The following CDH18 variants were observed in gnomAD, a reference collection of about 807,000 sequenced individuals.
CDH18 encodes the protein cadherin-18.
Under a neutral mutation model 67.9 loss-of-function variants are expected in CDH18, and 31 were observed. The observed-to-expected ratio is 0.46, with a 90% CI of 0.34 to 0.62. The LOEUF is 0.62. Ranked by LOEUF, CDH18 falls within the 20% of genes least tolerant of loss-of-function variation. The pLI is 0.01. For synonymous variants in CDH18, 362 were observed against 347.2 expected, an observed-to-expected ratio of 1.04 and a Z score of -0.48; for missense variants, 890 against 975.5, an observed-to-expected ratio of 0.91 and a Z score of 1.17.
chr5:20,345,634 T>C (rs1461284941), intron 1 of CDH18, among the ~76,000 whole-genome samples: 1 of 152,072 alleles, frequency 6.6e-6, no homozygotes, highest in East Asian at 1.9e-4. Flanking sequence ...AGATAGGAAA[T>C]GGAAATTACC....
Position 20,288,360 on chromosome 5 carries a change from T to G in CDH18, c.-579-32855A>C, listed in dbSNP as rs1179459160. On this transcript the variant is annotated intron_variant, in intron 1 of 14. Transcript: ENST00000507958. ...CAAATTACTTAATAAAATACTAGCA[T>G]GTCCCTTTTAATTTCAGAGTAAGAA... Among the ~76,000 whole-genome samples, 5 of 151,810 alleles carry G rather than the reference T, an allele frequency of 3.3e-5. No individual in the cohort carries two copies. The East Asian group carries it at 9.7e-4, about 29-fold the overall frequency.
In CDH18 at chr5:20,347,475, G is replaced by A. The variant is rs574976167; in HGVS notation, c.-579-91970C>T. ...AGCTGGTTAGGCAGATCGAGAGGGA[G>A]GATCAGTGGAGAAGAACAGAGAGAG... On this transcript the variant is annotated intron_variant, in intron 1 of 14. Transcript: ENST00000507958. 2.0e-5 allele frequency among the ~76,000 whole-genome samples: 3 copies of A among 152,288 alleles called. No individual in the cohort carries two copies. In the East Asian group the frequency reaches 5.8e-4, roughly 29 times the overall value.
chr5:19,885,642 C>T (rs1271722677), intron 2 of CDH18, among the ~76,000 whole-genome samples: 1 of 152,084 alleles, frequency 6.6e-6, no homozygotes, highest in Non-Finnish European at 1.5e-5. Flanking sequence ...CTCACTGCAG[C>T]CTAGAGCTTC....
In CDH18 at chr5:19,571,585, A is replaced by G; in HGVS notation, c.1247T>C (p.Leu416Ser). ...CGATTGAAGCATGCCATACCTTACTAAGCTGTTAGTACTGTCAGGATCTTG... is the reference window on the plus strand; with the variant it reads ...CGATTGAAGCATGCCATACCTTACTGAGCTGTTAGTACTGTCAGGATCTTG... ...LAQDPDSTNS[L>S]VRYFINYNVE... The change falls in exon 8 of 13, where the codon TTA becomes TCA. Residue 416 changes from leucine to serine, a missense_variant. This residue lies in a region of CDH18 where 656 missense variants were observed against 668.1 expected (regional missense o/e 0.98). Coordinates refer to ENST00000382275, the MANE Select transcript of CDH18 (RefSeq NM_004934.5). 1 of 1,613,916 alleles carries G rather than the reference A, an allele frequency of 6.2e-7. No individual in the cohort carries two copies. The highest frequency in any genetic ancestry group is 8.5e-7 in the Non-Finnish European group (1 of 1,179,826).
chr5:19,680,597 G>C (rs1323683313), intron 5 of CDH18, among the ~76,000 whole-genome samples: 1 of 151,894 alleles, frequency 6.6e-6, no homozygotes, highest in Non-Finnish European at 1.5e-5. Flanking sequence ...ATTACAAAGA[G>C]GGCAAAGGAT....
intron 1 of CDH18, among the ~76,000 whole-genome samples, chr5:20,551,520 A>T (rs1757631191): frequency 6.6e-6 from 1 of 152,014 alleles, no homozygotes; most frequent in Non-Finnish European, 1.5e-5. Flanking sequence ...AGAGAAAGAG[A>T]CACTTTCCTG....
chr5:19,490,394 G>GTTTTTTTTTTTTTTTTTTTTTTTTTT lies in CDH18; in HGVS notation c.1631-6868_1631-6843dup, dbSNP rs70950073. Among the ~76,000 whole-genome samples the GTTTTTTTTTTTTTTTTTTTTTTTTTT allele has an allele frequency of 5.0e-5, 3 of 60,210 alleles. 1 individual carries two copies. The highest frequency in any genetic ancestry group is 1.3e-4 in the African/African-American group (2 of 14,916). The allele number at this position is 60,210 out of a possible 152,430, so 39.5% of individuals were successfully genotyped here. Reference sequence around the variant, plus strand: ...TGATATATCACATATATAAAAATCTGTTTTTTTTTTTTTTTTTTTTTTTTT... The same window carrying GTTTTTTTTTTTTTTTTTTTTTTTTTT: ...TGATATATCACATATATAAAAATCTGTTTTTTTTTTTTTTTTTTTTTTTTTTTTTTTTTTTTTTTTTTTTTTTTTTT... On this transcript the variant is annotated intron_variant, in intron 11 of 12. Coordinates refer to ENST00000382275, the MANE Select transcript of CDH18 (RefSeq NM_004934.5).
At chr5:20,486,902 T>G (rs568038995) in intron 1 of CDH18, among the ~76,000 whole-genome samples, 1 of 152,268 alleles carries the variant, frequency 6.6e-6, no homozygotes, top group East Asian at 1.9e-4. Context: ...TGGTTTTTGT[T>G]GCTGGGATGT....
chr5:20,494,876 A>G (rs1373909063), intron 1 of CDH18, among the ~76,000 whole-genome samples: 1 of 152,138 alleles, frequency 6.6e-6, no homozygotes, highest in Non-Finnish European at 1.5e-5. Flanking sequence ...CTGACATGCT[A>G]TTTTAATTGT....
At chr5:20,434,143 G>A (rs1369569263) in intron 1 of CDH18, among the ~76,000 whole-genome samples, 1 of 152,018 alleles carries the variant, frequency 6.6e-6, no homozygotes, top group African/African-American at 2.4e-5. Context: ...CTCAGTTGTG[G>A]GTAAGGCAGG....
chr5:19,698,050 A>G (rs1762764457), intron 5 of CDH18, among the ~76,000 whole-genome samples: 1 of 152,200 alleles, frequency 6.6e-6, no homozygotes, highest in African/African-American at 2.4e-5. Flanking sequence ...AACCTCAGAT[A>G]AATTCTATCT....
At chr5:20,350,623 A>G (rs185641309) in intron 1 of CDH18, among the ~76,000 whole-genome samples, 122 of 152,250 alleles carry the variant, frequency 8.0e-4, no homozygotes, top group Non-Finnish European at 4.0e-4. Context: ...TGCATTGATG[A>G]GTTAACACTG....
intron 5 of CDH18, among the ~76,000 whole-genome samples, chr5:19,641,979 A>G (rs968492645): frequency 1.3e-5 from 2 of 152,036 alleles, no homozygotes; most frequent in Non-Finnish European, 2.9e-5. Context: ...GTTGGAAATA[A>G]TAAATCTAGT....
At chr5:20,531,833 C>T (rs1222973748) in intron 1 of CDH18, among the ~76,000 whole-genome samples, 3 of 151,940 alleles carry the variant, frequency 2.0e-5, no homozygotes, top group Admixed American at 6.6e-5. Flanking sequence ...AGCAAACCAC[C>T]ATGTTACCTA....
intron 5 of CDH18, among the ~76,000 whole-genome samples, chr5:19,617,797 G>T (rs1321868224): frequency 6.6e-6 from 1 of 152,126 alleles, no homozygotes; most frequent in Non-Finnish European, 1.5e-5. Flanking sequence ...CAATCACCTT[G>T]ATATGTAGGG....
chr5:19,719,956 A>G (rs201679276), intron 5 of CDH18, among the ~76,000 whole-genome samples: 3 of 146,894 alleles, frequency 2.0e-5, no homozygotes, highest in African/African-American at 2.5e-5. Context: ...AAAGAAAGAA[A>G]GAAGGAAAGA....
intron 2 of CDH18, among the ~76,000 whole-genome samples, chr5:20,243,925 C>G (rs1386888954): frequency 1.3e-5 from 2 of 152,048 alleles, no homozygotes; most frequent in Non-Finnish European, 2.9e-5. Context: ...ACTATTTACA[C>G]AAGGTCACCC....
chr5:20,026,371 A>G (rs987226922), intron 2 of CDH18, among the ~76,000 whole-genome samples: 4 of 152,206 alleles, frequency 2.6e-5, no homozygotes, highest in African/African-American at 9.7e-5. Context: ...TATATTTCTC[A>G]CGGAATTTCT....
chr5:19,613,698 T>G (rs1330030368), intron 5 of CDH18, among the ~76,000 whole-genome samples: 1 of 152,068 alleles, frequency 6.6e-6, no homozygotes, highest in African/African-American at 2.4e-5. Context: ...GTTAATAGAG[T>G]CTTACGTTTT....
Sources: allele counts gnomAD v4.1 joint callset (sites outside exome capture counted in the v4.1 genomes callset), GRCh38; gene constraint gnomAD v4.1.1; regional missense constraint gnomAD v4.1.1; transcripts MANE v1.5; gene names NCBI Gene and HGNC (gene_info 2026-07-23, HGNC 2026-07-21).